The following CARHSP1 variants were observed in gnomAD, a reference collection of about 807,000 sequenced individuals.
The protein encoded by CARHSP1 is calcium regulated heat stable protein 1.
CARHSP1 carries 14 observed loss-of-function variants against 12.5 expected under a neutral mutation model. That is an observed-to-expected ratio of 1.12 (90% CI 0.74 to 1.75). CARHSP1 has a LOEUF of 1.75. CARHSP1 is among the 40% of genes most tolerant of loss of function. CARHSP1 has a pLI of 0.00. For synonymous variants in CARHSP1, 161 were observed against 82.0 expected (o/e 1.96, Z -5.20); for missense variants, 343 against 201.6 (o/e 1.70, Z -4.25).
chr16:8,857,024 G>A (rs1336947923), intron 3 of CARHSP1, among the ~76,000 whole-genome samples: 1 of 152,138 alleles, frequency 6.6e-6, no homozygotes, highest in Non-Finnish European at 1.5e-5. Context: ...AGCCTCACCA[G>A]TCCACCTCCC....
intron 1 of CARHSP1, among the ~76,000 whole-genome samples, chr16:8,864,385 C>A (rs2141124239): frequency 6.6e-6 from 1 of 152,264 alleles, no homozygotes; most frequent in Middle Eastern, 3.4e-3. Context: ...ATTGAACCAA[C>A]AGATAAGGGA....
intron 2 of CARHSP1, 38 bp downstream of exon 2, chr16:8,859,133 C>T (rs762503248): frequency 2.0e-6 from 3 of 1,536,450 alleles, no homozygotes; most frequent in Non-Finnish European, 1.8e-6. Context: ...GGCAAGAGAT[C>T]CATCTGAGAA....
intron 1 of CARHSP1, among the ~76,000 whole-genome samples, chr16:8,863,238 C>A (rs983048678): frequency 6.6e-6 from 1 of 151,822 alleles, no homozygotes; most frequent in African/African-American, 2.4e-5. Context: ...CCGCCCACCC[C>A]AGCCTCCTGG....
intron 1 of CARHSP1, among the ~76,000 whole-genome samples, 188 bp from the exon 2 acceptor site, chr16:8,859,523 C>G (rs377024657): frequency 1.4e-4 from 21 of 151,958 alleles, no homozygotes; most frequent in African/African-American, 5.1e-4. Flanking sequence ...CTGAAGCAAC[C>G]GTGGGGCCCC....
At chr16:8,858,132 A>C in intron 3 of CARHSP1, 1 of 587,800 alleles carries the variant, frequency 1.7e-6, no homozygotes, top group Non-Finnish European at 3.0e-6. Context: ...TGTCGCCCCC[A>C]GCCTCACATC....
chr16:8,858,424 G>C lies in CARHSP1; in HGVS notation c.207C>G (p.Cys69Trp). ...QGPVYKGVCK[C>W]FCRSKGHGFI... ...AGCCATGGCCCTTGGACCGGCAGAA[G>C]CATTTGCAGACTCCTTTGTAGACGG... The change falls in exon 3 of 4, where the codon TGC (cysteine) becomes TGG (tryptophan). Residue 69 changes from cysteine (C) to tryptophan (W), a missense_variant. Cys to Trp is a radical substitution (Grantham distance 215). Coordinates refer to ENST00000311052, the MANE Select transcript of CARHSP1 (RefSeq NM_014316.4). 1.2e-6 allele frequency: 2 copies of C among 1,614,090 alleles called. No individual in the cohort carries two copies. The highest frequency in any genetic ancestry group is 1.7e-6 in the Non-Finnish European group (2 of 1,180,016).
At chr16:8,864,830 G>A (rs1030085915) in intron 1 of CARHSP1, among the ~76,000 whole-genome samples, 8 of 152,222 alleles carry the variant, frequency 5.3e-5, no homozygotes, top group African/African-American at 1.7e-4. Flanking sequence ...GGAATTTTCC[G>A]TAGGCTCTGC....
chr16:8,861,533 G>T, intron 1 of CARHSP1: 1 of 1,117,464 alleles, frequency 8.9e-7, no homozygotes, highest in South Asian at 1.3e-5. Flanking sequence ...ACTGCTCAGA[G>T]GAGAAGGGAT....
At chr16:8,861,315 G>C (rs917633900) in intron 1 of CARHSP1, among the ~76,000 whole-genome samples, 2 of 150,474 alleles carry the variant, frequency 1.3e-5, no homozygotes, top group African/African-American at 4.9e-5. Context: ...CACCATGCCC[G>C]GCCTGAACTA....
At position 8,855,314 on chromosome 16, in the gene CARHSP1, C is replaced by G. The variant is rs1404800649; in HGVS notation, c.294G>C (p.Glu98Asp). Reference sequence around the variant, plus strand: ...CCTCGTCGCCTTCCACTGGGACATACTCCCCTTCCACACTACGGGGGCATA... The same window carrying G: ...CCTCGTCGCCTTCCACTGGGACATAGTCCCCTTCCACACTACGGGGGCATA... The part of the protein sequence containing the change: ...IFLHISDVEG[E>D]YVPVEGDEVT... Residue 98 changes from glutamate (E) to aspartate (D), a missense_variant, in exon 4 of 4, where the codon GAG becomes GAC. Physicochemically the swap from Glu to Asp is conservative, Grantham distance 45. Coordinates refer to ENST00000311052, the MANE Select transcript of CARHSP1 (RefSeq NM_014316.4). 3 of 1,604,170 alleles carry G rather than the reference C, an allele frequency of 1.9e-6. No homozygotes were observed. Among genetic ancestry groups the G allele is most frequent in the South Asian group, 1.1e-5 (1 of 89,640 alleles).
intron 1 of CARHSP1, among the ~76,000 whole-genome samples, chr16:8,861,431 T>G (rs1433832845): frequency 6.6e-6 from 1 of 150,892 alleles, no homozygotes; most frequent in Non-Finnish European, 1.5e-5. Flanking sequence ...CCCAGTCCCC[T>G]CATTTATAGG....
At position 8,855,506 on chromosome 16, in the gene CARHSP1, C is replaced by T. The variant is rs532109410; in HGVS notation, c.282-180G>A. Among the ~76,000 whole-genome samples the T allele has an allele frequency of 7.5e-4, 114 of 152,298 alleles. 1 individual carries two copies. Among genetic ancestry groups the T allele is most frequent in the South Asian group, 1.5e-3 (7 of 4,822 alleles). ...AGGGAGCTGCCACACTGCCCCCAGC[C>T]TCTGTCCTAGGCAAGGAGGCCCTGG... On this transcript the variant is annotated intron_variant, in intron 3 of 3. Transcript: ENST00000311052.
chr16:8,860,466 G>C (rs144286722), intron 1 of CARHSP1: 2 of 985,302 alleles, frequency 2.0e-6, no homozygotes, highest in Non-Finnish European at 2.4e-6. Flanking sequence ...ATATGAAGGT[G>C]TCGGCTCTAA....
intron 1 of CARHSP1, chr16:8,867,539 C>G (rs1015178180): frequency 3.3e-5 from 5 of 152,354 alleles, no homozygotes; most frequent in African/African-American, 1.2e-4. Context: ...GGCTTTGCCA[C>G]TCGGTGGAAC....
chr16:8,856,089 G>A (rs961421321), intron 3 of CARHSP1, among the ~76,000 whole-genome samples: 2 of 152,182 alleles, frequency 1.3e-5, no homozygotes, highest in African/African-American at 4.8e-5. Context: ...GATTACAAGC[G>A]TGAGCCACCA....
chr16:8,867,491 T>C (rs565326909), intron 1 of CARHSP1: 1 of 152,402 alleles, frequency 6.6e-6, no homozygotes, highest in South Asian at 2.1e-4. Flanking sequence ...TTCCCTCCCA[T>C]TCCTGCCCCT....
rs376768452 is a variant in CARHSP1, at chr16:8,855,131, C to G, written c.*33G>C. On this transcript the variant is annotated 3_prime_UTR_variant, in exon 4 of 4. Coordinates refer to ENST00000311052, the MANE Select transcript of CARHSP1 (RefSeq NM_014316.4). ...TGCCTCCTCCCTGCAAAGTCTCCCA[C>G]AAGCACAGGACAAGGGGTGCTTCCA... 13 of 1,489,840 alleles carry G rather than the reference C, an allele frequency of 8.7e-6. No homozygotes were observed. Among genetic ancestry groups the G allele is most frequent in the Admixed American group, 2.1e-5 (1 of 47,742 alleles). 92.3% of individuals were successfully genotyped at this position (1,489,840 alleles called of 1,614,324 possible).
chr16:8,866,848 G>A (rs2141131135), intron 1 of CARHSP1, among the ~76,000 whole-genome samples: 1 of 152,244 alleles, frequency 6.6e-6, no homozygotes, highest in South Asian at 2.1e-4. Flanking sequence ...CAGGCGGGCA[G>A]GGAAGGTGCA....
intron 1 of CARHSP1, among the ~76,000 whole-genome samples, chr16:8,866,907 T>G (rs1311501376): frequency 1.3e-5 from 2 of 152,036 alleles, no homozygotes; most frequent in African/African-American, 4.8e-5. Context: ...CCCGCCAAGC[T>G]GGGAATAGCT....
Sources: allele counts gnomAD v4.1 joint callset (sites outside exome capture counted in the v4.1 genomes callset), GRCh38; gene constraint gnomAD v4.1.1; transcripts MANE v1.5; gene names NCBI Gene and HGNC (gene_info 2026-07-23, HGNC 2026-07-21).